Variants in KIT observed in about 807,000 individuals in gnomAD.
KIT encodes KIT proto-oncogene, receptor tyrosine kinase, also known as mast/stem cell growth factor receptor Kit.
In KIT, 16 loss-of-function variants were observed where a neutral mutation model predicts 105.7. That is an observed-to-expected ratio of 0.15 (90% confidence interval 0.10 to 0.23). The LOEUF (loss-of-function observed/expected upper bound fraction) is 0.23, where lower values mean the gene tolerates loss of function less well. KIT is among the 10% of genes least tolerant of loss of function. KIT has a pLI of 1.00. For missense variants in KIT, 858 were observed against 1,213.8 expected (o/e 0.71, Z 4.36); for synonymous variants, 438 against 441.1 (o/e 0.99, Z 0.09).
intron 19 of KIT, 41 bp downstream of exon 19, chr4:54,736,861 T>C (rs2109812925): frequency 6.8e-7 from 1 of 1,481,088 alleles, no homozygotes; most frequent in Non-Finnish European, 9.4e-7. Flanking sequence ...ACGTTTTCCC[T>C]TTTATTTTTC....
intron 17 of KIT, among the ~76,000 whole-genome samples, chr4:54,733,665 A>G (rs1722740610): frequency 1.3e-5 from 2 of 152,234 alleles, no homozygotes; most frequent in Admixed American, 6.5e-5. Flanking sequence ...ATGGGTTTGT[A>G]GAACATAGCA....
chr4:54,685,802 C>G (rs1719270391), intron 1 of KIT, among the ~76,000 whole-genome samples: 1 of 152,156 alleles, frequency 6.6e-6, no homozygotes, highest in South Asian at 2.1e-4. Context: ...AGTGATAGAC[C>G]TTTCTCCTCT....
chr4:54,661,973 G>A (rs913595261), intron 1 of KIT, among the ~76,000 whole-genome samples: 3 of 152,200 alleles, frequency 2.0e-5, no homozygotes, highest in African/African-American at 4.8e-5. Flanking sequence ...CTGATAGCCC[G>A]AGGAGACATG....
Position 54,694,759 on chromosome 4 carries a change from A to G in KIT, c.68-753A>G, listed in dbSNP as rs184416957. Among the ~76,000 whole-genome samples, 3 of 152,304 alleles carry G rather than the reference A, an allele frequency of 2.0e-5. No homozygotes were observed. In the East Asian group the frequency reaches 5.8e-4, roughly 29 times the overall value. On this transcript the variant is annotated intron_variant, in intron 1 of 20. Transcript: ENST00000288135. ...CATGGACTTTTCCCCAGCATCTAGC[A>G]TGGTGCTTTTGTAGATGATAATTAA...
rs1191531342 is a variant in KIT, at chr4:54,723,514, G to C, written c.1232-70G>C. ...CCTCAGGAAGGTTGTAGGGATTAGA[G>C]AGGGAGTGAAGTGAATGTTGCTGAG... is the stretch of plus-strand genomic sequence containing the variant. On this transcript the variant is annotated intron_variant, in intron 7 of 20. Coordinates refer to ENST00000288135, the MANE Select transcript of KIT (RefSeq NM_000222.3). The C allele has an allele frequency of 1.2e-5, 12 of 970,840 alleles. No homozygotes were observed. In the East Asian group the frequency reaches 2.6e-4, roughly 21 times the overall value. The allele number at this position is 970,840 out of a possible 1,614,324, so 60.1% of individuals were successfully genotyped here.
chr4:54,724,117 C>T (rs1722070470), intron 8 of KIT, among the ~76,000 whole-genome samples: 1 of 152,176 alleles, frequency 6.6e-6, no homozygotes, highest in South Asian at 2.1e-4. Context: ...ACAATTACAA[C>T]ATACATATGG....
chr4:54,705,021 C>T (rs1267765231), intron 5 of KIT, among the ~76,000 whole-genome samples: 1 of 152,174 alleles, frequency 6.6e-6, no homozygotes, highest in African/African-American at 2.4e-5. Flanking sequence ...AGAAAGTGTA[C>T]TACTTTGTTC....
chr4:54,732,028 T>C (rs2109796417), intron 16 of KIT, 30 bp downstream of exon 16: 3 of 1,598,034 alleles, frequency 1.9e-6, no homozygotes, highest in South Asian at 1.2e-5. Flanking sequence ...TAAAGAGTTT[T>C]GTGTTTTGTT....
intron 1 of KIT, among the ~76,000 whole-genome samples, chr4:54,689,941 T>C (rs1356640351): frequency 6.6e-6 from 1 of 152,186 alleles, no homozygotes; most frequent in Admixed American, 6.5e-5. Flanking sequence ...GCCTATCCTA[T>C]GTACGTCATA....
At chr4:54,683,759 G>A (rs111242319) in intron 1 of KIT, among the ~76,000 whole-genome samples, 8 of 152,244 alleles carry the variant, frequency 5.3e-5, no homozygotes, top group African/African-American at 1.7e-4. Context: ...TCTTGGGAGT[G>A]CTGTTCAAAA....
intron 20 of KIT, among the ~76,000 whole-genome samples, chr4:54,738,069 G>A (rs1381941491): frequency 1.3e-5 from 2 of 152,144 alleles, no homozygotes; most frequent in Non-Finnish European, 2.9e-5. Context: ...TGGAAGGGCC[G>A]TGGGTTTCCC....
chr4:54,671,857 C>T (rs934148858), intron 1 of KIT, among the ~76,000 whole-genome samples: 3 of 152,116 alleles, frequency 2.0e-5, no homozygotes, highest in South Asian at 2.1e-4. Flanking sequence ...CTTACCAATA[C>T]GGCCTCTACC....
chr4:54,733,501 T>G lies in KIT; in HGVS notation c.2484+309T>G, dbSNP rs73234239. 975 of 324,162 alleles carry G rather than the reference T, an allele frequency of 3.0e-3. 2 individuals are homozygous for G. The highest frequency in any genetic ancestry group is 6.4e-3 in the Middle Eastern group (6 of 942). 20.1% of individuals were successfully genotyped at this position (324,162 alleles called of 1,614,324 possible). ...CTTGATTTTGCTCAAGTGTAACAAATGTAGGTCATTGAAGGTCACAGCAGG... is the reference window on the plus strand; with the variant it reads ...CTTGATTTTGCTCAAGTGTAACAAAGGTAGGTCATTGAAGGTCACAGCAGG... On this transcript the variant is annotated intron_variant, in intron 17 of 20. Coordinates refer to ENST00000288135, the MANE Select transcript of KIT (RefSeq NM_000222.3).
chr4:54,711,649 CGGTGGCTCACGCCTGTAATCCCAGCA>C (rs879758459), intron 7 of KIT, among the ~76,000 whole-genome samples: 56,510 of 151,384 alleles, frequency 0.37, 11,930 homozygotes, highest in Non-Finnish European at 0.48. Flanking sequence ...AGGCTGGACG[CGGTGGCTCACGCCTGTAATCCCAGCA>C]CTTTGGGAGG....
chr4:54,678,104 A>C (rs1247405005), intron 1 of KIT, among the ~76,000 whole-genome samples: 2 of 152,200 alleles, frequency 1.3e-5, no homozygotes, highest in African/African-American at 4.8e-5. Context: ...AACACAGTAA[A>C]TTTGGGAAAA....
At position 54,673,448 on chromosome 4, in the gene KIT, T is replaced by C. The variant is rs568405071; in HGVS notation, c.67+15367T>C. Among the ~76,000 whole-genome samples the C allele has an allele frequency of 7.2e-5, 11 of 152,350 alleles. No individual in the cohort carries two copies. The South Asian group carries it at 1.9e-3, about 26-fold the overall frequency. On this transcript the variant is annotated intron_variant, in intron 1 of 20. Transcript: ENST00000288135. Reference sequence around the variant, plus strand: ...TTGTCTTTACCTGTCATTTCTGAAATGATTATTTTCTTTATTTTTAATTCT... The same window carrying C: ...TTGTCTTTACCTGTCATTTCTGAAACGATTATTTTCTTTATTTTTAATTCT...
intron 5 of KIT, among the ~76,000 whole-genome samples, chr4:54,706,032 C>A (rs1346909700): frequency 6.6e-6 from 1 of 152,038 alleles, no homozygotes; most frequent in African/African-American, 2.4e-5. Context: ...TTTTCAAGAT[C>A]TTTTTTATAT....
chr4:54,734,597 C>CA (rs1486815295), intron 17 of KIT, among the ~76,000 whole-genome samples: 1 of 152,150 alleles, frequency 6.6e-6, no homozygotes, highest in African/African-American at 2.4e-5. Context: ...TTGAACTAAC[C>CA]AATCACAGAT....
intron 1 of KIT, among the ~76,000 whole-genome samples, chr4:54,672,745 C>G (rs73818375): frequency 0.083 from 12,708 of 152,206 alleles, 648 homozygotes; most frequent in African/African-American, 0.15. Flanking sequence ...AGTCTTAGCT[C>G]TACAGGTAAA....
Sources: gnomAD v4.1 joint callset for allele counts (sites outside exome capture counted in the v4.1 genomes callset) on GRCh38, gnomAD v4.1.1 for gene constraint, MANE v1.5 for transcripts, NCBI Gene and HGNC (gene_info 2026-07-23, HGNC 2026-07-21) for gene names.